Variants in NOTCH2NLB observed in about 807,000 individuals in gnomAD.
The protein encoded by NOTCH2NLB is notch homolog 2 N-terminal-like protein B.
A neutral mutation model predicts 14.8 loss-of-function variants in NOTCH2NLB; 1 was observed. The ratio of observed to expected loss-of-function variants is 0.07; its 90% CI spans 0.02 to 0.32. The LOEUF (loss-of-function observed/expected upper bound fraction) is 0.32, where lower values mean the gene tolerates loss of function less well. Among genes scored for constraint, NOTCH2NLB ranks in the 10% least tolerant of loss-of-function variants. The pLI, the probability that NOTCH2NLB is intolerant of heterozygous loss-of-function variation, is 1.00. For synonymous variants in NOTCH2NLB, 6 were observed against 57.5 expected, an observed-to-expected ratio of 0.10 and a Z score of 4.05; for missense variants, 11 against 155.0, an observed-to-expected ratio of 0.07 and a Z score of 4.93.
intron 2 of NOTCH2NLB, among the ~76,000 whole-genome samples, chr1:148,625,404 A>G (rs1164097238): frequency 1.0e-5 from 1 of 97,626 alleles, no homozygotes; most frequent in Non-Finnish European, 2.0e-5. Flanking sequence ...AATAACAACA[A>G]AGCAAAATCC....
chr1:148,627,717 C>T (rs1185257274), intron 2 of NOTCH2NLB, among the ~76,000 whole-genome samples: 1 of 151,594 alleles, frequency 6.6e-6, no homozygotes, highest in Non-Finnish European at 1.5e-5. Flanking sequence ...ACAGCCTTGA[C>T]ACCCCCTCTG....
chr1:148,670,535 A>ATATATATATATATATATAT (rs1347581270), intron 1 of NOTCH2NLB, among the ~76,000 whole-genome samples: 1 of 60,520 alleles, frequency 1.7e-5, no homozygotes, highest in Non-Finnish European at 2.9e-5. Flanking sequence ...AAACTAAAAA[A>ATATATATATATATATATAT]AAAAATATAT....
At chr1:148,679,620 C>T in exon 1 of NOTCH2NLB, 1 of 1,051,048 alleles carries the variant, frequency 9.5e-7, no homozygotes, top group Non-Finnish European at 1.2e-6. Context: ...CTCTCTCCTC[C>T]CCTCCTCCTG....
Position 148,622,357 on chromosome 1 carries a change from G to A in NOTCH2NLB, c.78-6407C>T, listed in dbSNP as rs1471261218. 1.9e-5 allele frequency among the ~76,000 whole-genome samples: 2 copies of A among 105,368 alleles called. 1 individual carries two copies. The highest frequency in any genetic ancestry group is 9.3e-4 in the East Asian group (2 of 2,142). 69.1% of individuals were successfully genotyped at this position (105,368 alleles called of 152,430 possible). On this transcript the variant is annotated intron_variant, in intron 2 of 4. Transcript: ENST00000593495. ...TGCACTCCAGCCTGGGCAACAGAGC[G>A]AGACTCCCTCTCAAAAAAAAAAAAA...
chr1:148,700,719 G>GT, the NOTCH2NLB span, among the ~76,000 whole-genome samples: 50 of 5,344 alleles, frequency 9.4e-3, no homozygotes, highest in Non-Finnish European at 0.015. Flanking sequence ...TTTTAATGGG[G>GT]TTTTTTTTTT....
At chr1:148,651,170 T>TATATAC (rs1664503549) in intron 1 of NOTCH2NLB, among the ~76,000 whole-genome samples, 1 of 106,752 alleles carries the variant, frequency 9.4e-6, no homozygotes, top group African/African-American at 3.4e-5. Flanking sequence ...AAAATATATA[T>TATATAC]ATATATATAT....
At chr1:148,700,014 C>A in the NOTCH2NLB span, among the ~76,000 whole-genome samples, 1 of 91,288 alleles carries the variant, frequency 1.1e-5, no homozygotes, top group African/African-American at 3.5e-5. Context: ...CTATTCTTCC[C>A]GACACTCTCC....
chr1:148,637,235 AT>A (rs1664224603), intron 2 of NOTCH2NLB, among the ~76,000 whole-genome samples: 1 of 143,310 alleles, frequency 7.0e-6, no homozygotes, highest in Admixed American at 6.9e-5. Flanking sequence ...CGCCCAGCTA[AT>A]TTTTTGCATT....
chr1:148,616,635 TTA>T (rs1183820371), intron 2 of NOTCH2NLB, among the ~76,000 whole-genome samples: 1 of 131,218 alleles, frequency 7.6e-6, no homozygotes, highest in African/African-American at 2.7e-5. Flanking sequence ...GTAGGCATTT[TTA>T]ACCAAATAAA....
chr1:148,645,601 C>T (rs1333253671), intron 1 of NOTCH2NLB, among the ~76,000 whole-genome samples: 6 of 148,522 alleles, frequency 4.0e-5, no homozygotes, highest in African/African-American at 1.5e-4. Context: ...CTGAACAGAT[C>T]GTCATTGAAC....
At chr1:148,673,664 CAACTT>C (rs1392461211) in intron 1 of NOTCH2NLB, among the ~76,000 whole-genome samples, 1 of 150,450 alleles carries the variant, frequency 6.6e-6, no homozygotes, top group African/African-American at 2.4e-5. Context: ...ACAAAACAAA[CAACTT>C]TACTAACCTT....
chr1:148,625,724 T>G (rs1357220296), intron 2 of NOTCH2NLB, among the ~76,000 whole-genome samples: 1 of 109,222 alleles, frequency 9.2e-6, no homozygotes, highest in Non-Finnish European at 1.8e-5. Flanking sequence ...GTCGTTAAGG[T>G]AAATGAGGTA....
intron 2 of NOTCH2NLB, among the ~76,000 whole-genome samples, chr1:148,638,307 T>C (rs1346694768): frequency 2.0e-5 from 3 of 149,296 alleles, no homozygotes; most frequent in African/African-American, 7.5e-5. Flanking sequence ...GGCACTGTAA[T>C]AGGCATTAAC....
intron 1 of NOTCH2NLB, among the ~76,000 whole-genome samples, chr1:148,648,583 AAGT>A (rs1664422067): frequency 8.2e-6 from 1 of 122,284 alleles, no homozygotes; most frequent in Non-Finnish European, 1.7e-5. Context: ...GATGTATTAT[AAGT>A]GCTGGCTCAC....
At chr1:148,633,244 A>C (rs1427702035) in intron 2 of NOTCH2NLB, among the ~76,000 whole-genome samples, 2 of 126,280 alleles carry the variant, frequency 1.6e-5, no homozygotes, top group African/African-American at 3.4e-5. Flanking sequence ...ACTTAAGTCT[A>C]TCTGGCATAA....
intron 1 of NOTCH2NLB, among the ~76,000 whole-genome samples, chr1:148,660,396 C>A (rs1327778803): frequency 1.5e-5 from 2 of 131,354 alleles, no homozygotes; most frequent in South Asian, 5.3e-4. Context: ...TCTAAATATA[C>A]CTTCCAAGGG....
chr1:148,610,114 G>A (rs1258156600), intron 3 of NOTCH2NLB, among the ~76,000 whole-genome samples: 3 of 140,452 alleles, frequency 2.1e-5, no homozygotes, highest in East Asian at 3.9e-4. Context: ...ATGGTGAAAC[G>A]CCATCTTTTC....
At chr1:148,633,241 T>A (rs1374416423) in intron 2 of NOTCH2NLB, among the ~76,000 whole-genome samples, 1 of 125,988 alleles carries the variant, frequency 7.9e-6, no homozygotes, top group Non-Finnish European at 1.6e-5. Context: ...CAAACTTAAG[T>A]CTATCTGGCA....
downstream of NOTCH2NLB, among the ~76,000 whole-genome samples, chr1:148,605,430 C>A (rs1174998513): frequency 6.9e-6 from 1 of 144,074 alleles, no homozygotes; most frequent in East Asian, 2.0e-4. Context: ...ATGCTAATCT[C>A]CCCTCCCACA....
Sources: allele counts gnomAD v4.1 joint callset (sites outside exome capture counted in the v4.1 genomes callset), GRCh38; gene constraint gnomAD v4.1.1; transcripts MANE v1.5; gene names NCBI Gene and HGNC (gene_info 2026-07-23, HGNC 2026-07-21).